The following CHUK variants were observed in gnomAD, a reference collection of about 807,000 sequenced individuals.
The protein encoded by CHUK is inhibitor of nuclear factor kappa-B kinase subunit alpha.
In CHUK, 35 loss-of-function variants were observed where a neutral mutation model predicts 104.8. That is an observed-to-expected ratio of 0.33 (90% CI 0.26 to 0.44). The LOEUF is 0.44. CHUK is among the 20% of genes least tolerant of loss of function. CHUK has a pLI of 1.00. For synonymous variants in CHUK, 276 were observed against 291.9 expected (o/e 0.95, Z 0.56); for missense variants, 663 against 902.7 (o/e 0.73, Z 3.40).
chr10:100,210,079 A>T (rs1272584298), intron 9 of CHUK, among the ~76,000 whole-genome samples: 2 of 129,450 alleles, frequency 1.5e-5, no homozygotes, highest in African/African-American at 7.4e-5. Context: ...TTATTTATTT[A>T]TTTATTTATT....
In CHUK at chr10:100,219,141, G is replaced by A. The variant is rs1185419209; in HGVS notation, c.565-9C>T. On this transcript the variant is annotated splice_polypyrimidine_tract_variant and intron_variant, in intron 6 of 20. Coordinates refer to ENST00000370397, the MANE Select transcript of CHUK (RefSeq NM_001278.5). ...TCAAAGAGCTCTGGGGCCTTCAAAA[G>A]AGAAAATGCTTTAAACACCAACACT... 4 of 1,613,194 alleles carry A rather than the reference G, an allele frequency of 2.5e-6. No homozygotes were observed. Among genetic ancestry groups the A allele is most frequent in the Non-Finnish European group, 3.4e-6 (4 of 1,179,356 alleles).
chr10:100,226,683 G>A (rs1360546591), intron 1 of CHUK, among the ~76,000 whole-genome samples: 1 of 152,174 alleles, frequency 6.6e-6, no homozygotes, highest in African/African-American at 2.4e-5. Flanking sequence ...ATGCAGCTCA[G>A]AAATAGCAGT....
intron 2 of CHUK, among the ~76,000 whole-genome samples, chr10:100,223,406 A>C (rs984395916): frequency 6.6e-6 from 1 of 152,166 alleles, no homozygotes; most frequent in African/African-American, 2.4e-5. Flanking sequence ...TGGGAGGCTG[A>C]GGTGGGAGGA....
At chr10:100,189,724 T>A in intron 20 of CHUK, 97 bp from the exon 21 acceptor site, 1 of 821,196 alleles carries the variant, frequency 1.2e-6, no homozygotes, top group Non-Finnish European at 2.1e-6. Context: ...GGACATTTCA[T>A]AATCAAAAGT....
At chr10:100,214,583 G>C (rs546729100) in intron 9 of CHUK, among the ~76,000 whole-genome samples, 1 of 152,272 alleles carries the variant, frequency 6.6e-6, no homozygotes, top group African/African-American at 2.4e-5. Context: ...AAAGTAGAAA[G>C]GGATGGGCAT....
rs559921144 is a variant in CHUK, at chr10:100,208,979, T to C, written c.1128+616A>G. 2.6e-5 allele frequency among the ~76,000 whole-genome samples: 4 copies of C among 152,256 alleles called. No individual in the cohort carries two copies. The East Asian group carries it at 7.7e-4, about 29-fold the overall frequency. ...CCCCAGGCCTCCACAAACAAGTTTA[T>C]TGGGGGTCTGAAGGAACTCCTTAAA... is the stretch of plus-strand genomic sequence containing the variant. On this transcript the variant is annotated intron_variant, in intron 10 of 20. Transcript: ENST00000370397.
intron 9 of CHUK, among the ~76,000 whole-genome samples, chr10:100,213,484 C>T (rs1263616335): frequency 7.2e-6 from 1 of 138,634 alleles, no homozygotes; most frequent in East Asian, 2.1e-4. Flanking sequence ...AGACTCTTAT[C>T]TCAAAAAAAA....
intron 9 of CHUK, among the ~76,000 whole-genome samples, chr10:100,214,379 T>C (rs1031919845): frequency 6.6e-6 from 1 of 152,152 alleles, no homozygotes; most frequent in Non-Finnish European, 1.5e-5. Context: ...TATTAAGATA[T>C]ACTAAGAGAA....
intron 1 of CHUK, among the ~76,000 whole-genome samples, chr10:100,227,257 A>T (rs1436228567): frequency 1.5e-4 from 23 of 152,192 alleles, no homozygotes; most frequent in Admixed American, 1.5e-3. Context: ...TTATAGATGT[A>T]CAACAACAAC....
At chr10:100,187,435 C>CA (rs1564825606), downstream of CHUK, 1 of 152,142 alleles carries the variant, frequency 6.6e-6, no homozygotes, top group Non-Finnish European at 1.5e-5. Flanking sequence ...TGTCTGGGAC[C>CA]TTATCTGTTC....
At chr10:100,189,768 T>G in intron 20 of CHUK, 141 bp from the exon 21 acceptor site, 1 of 608,528 alleles carries the variant, frequency 1.6e-6, no homozygotes, top group Non-Finnish European at 2.9e-6. Context: ...ATTTCCTGAT[T>G]TAAAAAAATT....
At chr10:100,213,516 T>A (rs1007910945) in intron 9 of CHUK, among the ~76,000 whole-genome samples, 1 of 151,884 alleles carries the variant, frequency 6.6e-6, no homozygotes, top group African/African-American at 2.4e-5. Context: ...AAAAGCGTAT[T>A]AACAATTTTG....
At chr10:100,225,529 C>T (rs1846084722) in intron 2 of CHUK, among the ~76,000 whole-genome samples, 2 of 152,196 alleles carry the variant, frequency 1.3e-5, no homozygotes, top group African/African-American at 2.4e-5. Context: ...TTTTACCTTT[C>T]AGCTATTGTG....
intron 19 of CHUK, among the ~76,000 whole-genome samples, chr10:100,192,241 A>G (rs1407442408): frequency 6.6e-6 from 1 of 152,248 alleles, no homozygotes; most frequent in African/African-American, 2.4e-5. Context: ...GTAAACATTA[A>G]CATCCGCTAA....
chr10:100,208,282 G>A (rs1845637398), intron 10 of CHUK, among the ~76,000 whole-genome samples: 1 of 152,162 alleles, frequency 6.6e-6, no homozygotes, highest in South Asian at 2.1e-4. Context: ...AATTTTTGTA[G>A]TTTTTGTAGA....
chr10:100,189,537 A>T lies in CHUK; in HGVS notation c.*61T>A. 7.3e-7 allele frequency: 1 copy of T among 1,376,352 alleles called. No homozygotes were observed. Among genetic ancestry groups the T allele is most frequent in the East Asian group, 2.3e-5 (1 of 43,694 alleles). 85.3% of individuals were successfully genotyped at this position (1,376,352 alleles called of 1,614,324 possible). ...AAGAATGGTTTCATGGGGGAAAAACACATTTCCAACATGTATAGCAACAAC... is the reference window on the plus strand; with the variant it reads ...AAGAATGGTTTCATGGGGGAAAAACTCATTTCCAACATGTATAGCAACAAC... On this transcript the variant is annotated 3_prime_UTR_variant, in exon 21 of 21. Transcript: ENST00000370397.
At chr10:100,200,591 A>T (rs1357809831) in intron 15 of CHUK, 80 bp downstream of exon 15, 1 of 781,596 alleles carries the variant, frequency 1.3e-6, no homozygotes, top group Non-Finnish European at 2.3e-6. Context: ...GAACCACTAG[A>T]GGTTTAATTT....
rs1048822803 is a variant in CHUK, at chr10:100,189,385, T to C, written c.*213A>G. 2.0e-5 allele frequency: 11 copies of C among 539,012 alleles called. No homozygotes were observed. Among genetic ancestry groups the C allele is most frequent in the African/African-American group, 1.1e-4 (6 of 52,926 alleles). The allele number at this position is 539,012 out of a possible 1,614,324, so 33.4% of individuals were successfully genotyped here. On this transcript the variant is annotated 3_prime_UTR_variant, in exon 21 of 21. Coordinates refer to ENST00000370397, the MANE Select transcript of CHUK (RefSeq NM_001278.5). ...TATTCAAACAAGTACATTGACTTTT[T>C]CTAAATTCCTGTCTGTTTAGAGGCT... is the stretch of plus-strand genomic sequence containing the variant.
intron 5 of CHUK, 61 bp from the exon 6 acceptor site, chr10:100,219,420 A>G (rs1845935392): frequency 1.0e-6 from 1 of 965,166 alleles, no homozygotes; most frequent in Non-Finnish European, 1.7e-6. Flanking sequence ...AGGAAAGACA[A>G]CAATATCCTT....
Sources: allele counts gnomAD v4.1 joint callset (sites outside exome capture counted in the v4.1 genomes callset), GRCh38; gene constraint gnomAD v4.1.1; transcripts MANE v1.5; gene names NCBI Gene and HGNC (gene_info 2026-07-23, HGNC 2026-07-21).